Variants in POU6F2 observed in about 807,000 individuals in gnomAD.
POU6F2 encodes POU class 6 homeobox 2.
A neutral mutation model predicts 71.3 loss-of-function variants in POU6F2; 31 were observed. The observed-to-expected ratio is 0.43, with a 90% CI of 0.33 to 0.59. The LOEUF is 0.59. POU6F2 is among the 20% of genes least tolerant of loss of function. The pLI is 0.04. For missense variants in POU6F2, 783 were observed against 856.8 expected, an observed-to-expected ratio of 0.91 and a Z score of 1.07; for synonymous variants, 347 against 355.7, an observed-to-expected ratio of 0.98 and a Z score of 0.27.
intron 6 of POU6F2, 38 bp downstream of exon 6, chr7:39,406,778 C>T (rs1787443021): frequency 6.2e-7 from 1 of 1,608,226 alleles, no homozygotes; most frequent in Admixed American, 1.7e-5. Context: ...ATTTTTATGG[C>T]AGATTGAACT....
Position 39,450,774 on chromosome 7 carries a change from T to G in POU6F2, c.1321-759T>G, listed in dbSNP as rs554476295. The stretch of plus-strand genomic sequence containing the variant: ...CTCCTCCGCACTTGCTGGCTGAACC[T>G]ATAAAATCCTTTAGCTTCTCTGTGC... On this transcript the variant is annotated intron_variant, in intron 7 of 9. Transcript: ENST00000518318. Among the ~76,000 whole-genome samples, 10 of 152,310 alleles carry G rather than the reference T, an allele frequency of 6.6e-5. No individual in the cohort carries two copies. The East Asian group carries it at 1.9e-3, about 29-fold the overall frequency.
chr7:39,388,904 A>G (rs989245235), intron 5 of POU6F2, among the ~76,000 whole-genome samples: 1 of 152,252 alleles, frequency 6.6e-6, no homozygotes, highest in Non-Finnish European at 1.5e-5. Flanking sequence ...ACACATTAAA[A>G]ATGTTTAGAA....
chr7:39,083,389 T>A (rs138826021), intron 1 of POU6F2, among the ~76,000 whole-genome samples: 1 of 152,110 alleles, frequency 6.6e-6, no homozygotes, highest in Non-Finnish European at 1.5e-5. Flanking sequence ...ATTCAACCTT[T>A]TAAAAAGTAA....
chr7:39,194,871 G>A (rs1793751754), intron 2 of POU6F2, among the ~76,000 whole-genome samples: 1 of 152,124 alleles, frequency 6.6e-6, no homozygotes, highest in Admixed American at 6.5e-5. Flanking sequence ...CCACCTTTAA[G>A]AGCTTAACAC....
At chr7:39,127,435 G>T (rs921742459) in intron 2 of POU6F2, among the ~76,000 whole-genome samples, 6 of 152,158 alleles carry the variant, frequency 3.9e-5, no homozygotes, top group African/African-American at 1.2e-4. Flanking sequence ...ACTAGGCACT[G>T]GAGTAAAGAA....
chr7:39,373,164 G>A (rs570186735), intron 5 of POU6F2, among the ~76,000 whole-genome samples: 20 of 152,266 alleles, frequency 1.3e-4, no homozygotes, highest in African/African-American at 4.6e-4. Flanking sequence ...TATTTGTAAA[G>A]TTCTTAGAAC....
At chr7:39,217,329 G>A (rs1794264355) in intron 4 of POU6F2, among the ~76,000 whole-genome samples, 1 of 152,172 alleles carries the variant, frequency 6.6e-6, no homozygotes, top group South Asian at 2.1e-4. Context: ...ATTGCTGGCA[G>A]GGAGTGGGTG....
At chr7:39,419,108 T>C (rs1787780717) in intron 6 of POU6F2, among the ~76,000 whole-genome samples, 1 of 73,544 alleles carries the variant, frequency 1.4e-5, no homozygotes, top group Admixed American at 1.3e-4. Context: ...TATACACATA[T>C]ATACGTATAT....
At chr7:38,986,817 T>C (rs867302105) in intron 1 of POU6F2, among the ~76,000 whole-genome samples, 2 of 152,174 alleles carry the variant, frequency 1.3e-5, no homozygotes, top group African/African-American at 4.8e-5. Context: ...TTTCTGTGCA[T>C]GTATATGCAA....
At chr7:39,195,335 CTG>C (rs1299352321) in intron 2 of POU6F2, among the ~76,000 whole-genome samples, 1 of 152,162 alleles carries the variant, frequency 6.6e-6, no homozygotes, top group African/African-American at 2.4e-5. Flanking sequence ...GCAGAAGTGA[CTG>C]CACCCAGAGG....
chr7:39,003,476 C>T (rs1788970432), intron 1 of POU6F2, among the ~76,000 whole-genome samples: 1 of 150,948 alleles, frequency 6.6e-6, no homozygotes, highest in African/African-American at 2.4e-5. Flanking sequence ...CACGGTGGCT[C>T]ATGCCTGTAA....
intron 1 of POU6F2, among the ~76,000 whole-genome samples, chr7:39,030,954 G>A (rs1022192610): frequency 6.6e-6 from 1 of 152,076 alleles, no homozygotes; most frequent in African/African-American, 2.4e-5. Context: ...GGGCTGGAGG[G>A]CAGTGGTGTG....
intron 1 of POU6F2, among the ~76,000 whole-genome samples, chr7:39,074,255 G>A (rs1459794753): frequency 2.0e-5 from 3 of 152,028 alleles, no homozygotes; most frequent in African/African-American, 4.8e-5. Flanking sequence ...AGGCTGAGGC[G>A]GGTGGATCAC....
chr7:39,219,196 A>G lies in POU6F2; in HGVS notation c.598+11576A>G, dbSNP rs967431756. On this transcript the variant is annotated intron_variant, in intron 4 of 9. Coordinates refer to ENST00000518318, the MANE Select transcript of POU6F2 (RefSeq NM_001370959.1). ...TTACCCCTTATTTAGCCGGAATGCAACAAGAAGGAGCCCCCCAAAAAAGTA... is the reference window on the plus strand; with the variant it reads ...TTACCCCTTATTTAGCCGGAATGCAGCAAGAAGGAGCCCCCCAAAAAAGTA... 5.3e-5 allele frequency among the ~76,000 whole-genome samples: 8 copies of G among 152,312 alleles called. No individual in the cohort carries two copies. In the East Asian group the frequency reaches 1.5e-3, roughly 29 times the overall value.
At chr7:39,063,226 C>G (rs1429699483) in intron 1 of POU6F2, among the ~76,000 whole-genome samples, 1 of 151,772 alleles carries the variant, frequency 6.6e-6, no homozygotes, top group African/African-American at 2.4e-5. Context: ...TATTTAAGAA[C>G]TTAACGGATG....
intron 5 of POU6F2, among the ~76,000 whole-genome samples, chr7:39,384,619 CCT>C (rs1786898872): frequency 6.6e-6 from 1 of 152,184 alleles, no homozygotes; most frequent in Non-Finnish European, 1.5e-5. Context: ...CTTGCTGCTC[CCT>C]CTCAGCACTG....
intron 5 of POU6F2, among the ~76,000 whole-genome samples, chr7:39,367,420 C>T (rs977452936): frequency 2.0e-5 from 3 of 152,132 alleles, no homozygotes; most frequent in South Asian, 2.1e-4. Flanking sequence ...CTTGGCTATC[C>T]ATCACCCTCA....
At chr7:39,213,528 T>C (rs1794184434) in intron 4 of POU6F2, among the ~76,000 whole-genome samples, 1 of 152,228 alleles carries the variant, frequency 6.6e-6, no homozygotes, top group East Asian at 1.9e-4. Context: ...TAATTATCTC[T>C]AAAAGATTCC....
At chr7:39,203,801 G>A (rs957642606) in intron 2 of POU6F2, among the ~76,000 whole-genome samples, 1 of 152,116 alleles carries the variant, frequency 6.6e-6, no homozygotes, top group African/African-American at 2.4e-5. Flanking sequence ...CAAAGAGTAC[G>A]GAATAAGAAC....
Sources: gnomAD v4.1 joint callset for allele counts (sites outside exome capture counted in the v4.1 genomes callset) on GRCh38, gnomAD v4.1.1 for gene constraint, MANE v1.5 for transcripts, NCBI Gene and HGNC (gene_info 2026-07-23, HGNC 2026-07-21) for gene names.